NPC1: variants seen among roughly 807,000 people sequenced by gnomAD.
The protein encoded by NPC1 is NPC intracellular cholesterol transporter 1.
Under a neutral mutation model 140.4 loss-of-function variants are expected in NPC1, and 85 were observed. The observed-to-expected ratio is 0.61, with a 90% CI of 0.51 to 0.72. NPC1 has a LOEUF of 0.72. Among genes scored for constraint, NPC1 ranks in the 30% least tolerant of loss-of-function variants. The pLI is 0.00. For synonymous variants in NPC1, 656 were observed against 624.8 expected (o/e 1.05, Z -0.74); for missense variants, 1,504 against 1,623.8 (o/e 0.93, Z 1.27).
At chr18:23,539,641 T>C in intron 18 of NPC1, 170 bp downstream of exon 18, 1 of 840,604 alleles carries the variant, frequency 1.2e-6, no homozygotes, top group African/African-American at 1.7e-5. Flanking sequence ...AGGTGGTAAA[T>C]TAGTCCTTTC....
chr18:23,540,956 A>T (rs2058704594), intron 16 of NPC1, 112 bp downstream of exon 16: 4 of 1,254,292 alleles, frequency 3.2e-6, no homozygotes, highest in Middle Eastern at 1.9e-4. Flanking sequence ...TTTTTTTTAG[A>T]TACATTTTAA....
chr18:23,564,934 ATTCTT>A (rs1011988702), intron 4 of NPC1, among the ~76,000 whole-genome samples: 1 of 152,192 alleles, frequency 6.6e-6, no homozygotes, highest in Non-Finnish European at 1.5e-5. Context: ...GATGAAGAGT[ATTCTT>A]TTCTCATTGA....
chr18:23,586,289 G>T lies in NPC1; in HGVS notation c.55C>A (p.Gln19Lys). ...CCCGGTGGCCGGCGACCGCTCACCTGCGCTGGACACAGTAGCAGCAGGAGG... is the reference window on the plus strand; with the variant it reads ...CCCGGTGGCCGGCGACCGCTCACCTTCGCTGGACACAGTAGCAGCAGGAGG... ...GLLLLLLCPA[Q>K]VFSQSCVWYG... Residue 19 changes from glutamine to lysine, a missense_variant and splice_region_variant, in exon 1 of 25, where the codon CAG becomes AAG. By Grantham distance (53) the Gln-to-Lys change is moderately conservative. Coordinates refer to ENST00000269228, the MANE Select transcript of NPC1 (RefSeq NM_000271.5). The T allele has an allele frequency of 2.0e-6, 3 of 1,533,556 alleles. No homozygotes were observed. The highest frequency in any genetic ancestry group is 1.4e-5 in the African/African-American group (1 of 72,994). 95.0% of individuals were successfully genotyped at this position (1,533,556 alleles called of 1,614,324 possible).
intron 3 of NPC1, among the ~76,000 whole-genome samples, chr18:23,514,801 A>G (rs1567919084): frequency 6.6e-6 from 1 of 151,808 alleles, no homozygotes; most frequent in Non-Finnish European, 1.5e-5. Flanking sequence ...AAGAAAGAAG[A>G]CTCTAGCACA....
At chr18:23,576,446 G>A (rs2059280737) in intron 1 of NPC1, 1 of 985,478 alleles carries the variant, frequency 1.0e-6, no homozygotes, top group African/African-American at 1.7e-5. Flanking sequence ...CCTGCCGAAA[G>A]AAGCAACCTA....
intron 20 of NPC1, 49 bp downstream of exon 20, chr18:23,538,493 C>A: frequency 6.2e-7 from 1 of 1,612,318 alleles, no homozygotes; most frequent in Non-Finnish European, 8.5e-7. Context: ...TTTTCTACTG[C>A]AAATTAAAGT....
At chr18:23,513,444 T>C (rs1051866060) in intron 3 of NPC1, among the ~76,000 whole-genome samples, 19 of 152,246 alleles carry the variant, frequency 1.2e-4, no homozygotes, top group African/African-American at 4.1e-4. Context: ...CATTCATCTG[T>C]TGAGGGACAT....
intron 1 of NPC1, among the ~76,000 whole-genome samples, chr18:23,575,862 G>A (rs975431481): frequency 6.6e-6 from 1 of 151,678 alleles, no homozygotes; most frequent in Non-Finnish European, 1.5e-5. Flanking sequence ...CAAGGCAGGT[G>A]GGTCGCTTGA....
In NPC1 at chr18:23,556,617, G is replaced by T. The variant is rs2145458780; in HGVS notation, c.956-4C>A. ...GGGTCACAGCAGGACGCCTCTCCTGGAAGAACGGGAGAGGAAGGGAAGGTG... is the reference window on the plus strand; with the variant it reads ...GGGTCACAGCAGGACGCCTCTCCTGTAAGAACGGGAGAGGAAGGGAAGGTG... On this transcript the variant is annotated splice_polypyrimidine_tract_variant and splice_region_variant and intron_variant, in intron 7 of 24. Coordinates refer to ENST00000269228, the MANE Select transcript of NPC1 (RefSeq NM_000271.5). 6.2e-7 allele frequency: 1 copy of T among 1,613,920 alleles called. No individual in the cohort carries two copies. The highest frequency in any genetic ancestry group is 1.3e-5 in the African/African-American group (1 of 75,034).
chr18:23,522,721 A>G (rs1045244868), exon 2 of NPC1: 6 of 152,340 alleles, frequency 3.9e-5, no homozygotes, highest in Non-Finnish European at 7.3e-5. Context: ...GCAGAGATCA[A>G]TAGGAGGAAA....
chr18:23,551,242 T>C (rs2058867819), intron 10 of NPC1, among the ~76,000 whole-genome samples: 1 of 152,162 alleles, frequency 6.6e-6, no homozygotes, highest in African/African-American at 2.4e-5. Context: ...ATACCTCACA[T>C]ACTATCTTTT....
At chr18:23,585,895 AG>A (rs1365482217) in intron 1 of NPC1, among the ~76,000 whole-genome samples, 21 of 152,198 alleles carry the variant, frequency 1.4e-4, no homozygotes, top group Admixed American at 1.4e-3. Flanking sequence ...TCAGGTGATG[AG>A]AAGAGGAAAT....
At chr18:23,523,321 C>T (rs1337862645) in intron 1 of NPC1, among the ~76,000 whole-genome samples, 27 of 152,024 alleles carry the variant, frequency 1.8e-4, no homozygotes, top group Admixed American at 1.6e-3. Flanking sequence ...TGGTTGTTAA[C>T]GGTCCCTGTC....
intron 3 of NPC1, among the ~76,000 whole-genome samples, chr18:23,514,829 C>T (rs573461586): frequency 1.1e-4 from 16 of 152,268 alleles, no homozygotes; most frequent in African/African-American, 3.9e-4. Flanking sequence ...TATTATAGTT[C>T]TTAAGAAGCT....
intron 6 of NPC1, among the ~76,000 whole-genome samples, chr18:23,559,420 T>C (rs1321586488): frequency 1.3e-5 from 2 of 151,378 alleles, no homozygotes; most frequent in Non-Finnish European, 2.9e-5. Flanking sequence ...TAAATTAAGA[T>C]GCAAATATCT....
At chr18:23,563,870 T>G (rs1349185494) in intron 4 of NPC1, among the ~76,000 whole-genome samples, 3 of 152,202 alleles carry the variant, frequency 2.0e-5, no homozygotes, top group Non-Finnish European at 4.4e-5. Context: ...CTCATAGTAT[T>G]GAGCATCTCT....
intron 3 of NPC1, among the ~76,000 whole-genome samples, chr18:23,569,650 A>G (rs2059174203): frequency 6.6e-6 from 1 of 152,208 alleles, no homozygotes; most frequent in South Asian, 2.1e-4. Context: ...AAATAAAATA[A>G]TGAGAATTAT....
At chr18:23,550,361 A>T (rs1043217259) in intron 10 of NPC1, among the ~76,000 whole-genome samples, 2 of 151,554 alleles carry the variant, frequency 1.3e-5, no homozygotes, top group East Asian at 3.9e-4. Context: ...CATGTACTCA[A>T]CTTCATCAGT....
At chr18:23,520,191 T>G, downstream of NPC1, 1 of 1,609,184 alleles carries the variant, frequency 6.2e-7, no homozygotes. Flanking sequence ...TCTTGTCTTT[T>G]TCCCCCCCAG....
Sources: gnomAD v4.1 joint callset for allele counts (sites outside exome capture counted in the v4.1 genomes callset) on GRCh38, gnomAD v4.1.1 for gene constraint, MANE v1.5 for transcripts, NCBI Gene and HGNC (gene_info 2026-07-23, HGNC 2026-07-21) for gene names.